Variants in ACTR8 observed in about 807,000 individuals in gnomAD.
The protein encoded by ACTR8 is actin related protein 8, also known as actin-related protein 8.
ACTR8 carries 70 observed loss-of-function variants against 84.3 expected under a neutral mutation model. That is an observed-to-expected ratio of 0.83 (90% confidence interval 0.68 to 1.01). The LOEUF is 1.01. Among genes scored for constraint, ACTR8 ranks in the 50% least tolerant of loss-of-function variants. ACTR8 has a pLI of 0.00. For missense variants in ACTR8, 672 were observed against 775.4 expected, an observed-to-expected ratio of 0.87 and a Z score of 1.58; for synonymous variants, 268 against 275.2, an observed-to-expected ratio of 0.97 and a Z score of 0.26.
downstream of ACTR8, among the ~76,000 whole-genome samples, chr3:53,864,395 C>T (rs1167996350): frequency 2.6e-5 from 4 of 152,024 alleles, no homozygotes; most frequent in East Asian, 1.9e-4. Context: ...ATTAGCCAGG[C>T]GTGGTGGCGG....
downstream of ACTR8, chr3:53,865,599 C>G (rs1018498576): frequency 2.9e-6 from 1 of 350,228 alleles, no homozygotes; most frequent in Non-Finnish European, 5.2e-6. Flanking sequence ...AGCCAAACAT[C>G]TAGTCTTCCA....
Position 53,868,799 on chromosome 3 carries a change from G to A in ACTR8, c.1795C>T (p.Gln599Ter). The A allele has an allele frequency of 6.2e-7, 1 of 1,614,226 alleles. No homozygotes were observed. Among genetic ancestry groups the A allele is most frequent in the Non-Finnish European group, 8.5e-7 (1 of 1,180,048 alleles). Residue 599 changes from glutamine to a stop codon, truncating the protein, a stop_gained, in exon 13 of 13, where the codon CAG becomes TAG. Transcript: ENST00000335754. LOFTEE classifies it high-confidence loss of function. ...TCTCGCTGATAAATCCACAGTTCCT[G>A]TGTTGTATCCAAACAAGCCAACACT... Reference protein sequence around the residue: ...GAVLACLDTTQELWIYQREWQ... With the variant: ...GAVLACLDTT
intron 9 of ACTR8, 60 bp downstream of exon 9, chr3:53,872,970 TCA>T: frequency 7.8e-7 from 1 of 1,285,300 alleles, no homozygotes; most frequent in Non-Finnish European, 1.1e-6. Context: ...GCATATTCTC[TCA>T]GTTTGATTGA....
chr3:53,861,306 TCATTA>T, the ACTR8 span: 1 of 152,024 alleles, frequency 6.6e-6, no homozygotes, highest in Non-Finnish European at 1.5e-5. Flanking sequence ...CTTTTTTTTT[TCATTA>T]CAAGAAAAAA....
At chr3:53,864,390 C>A (rs1469808783), downstream of ACTR8, among the ~76,000 whole-genome samples, 1 of 152,106 alleles carries the variant, frequency 6.6e-6, no homozygotes, top group Non-Finnish European at 1.5e-5. Context: ...CAAAAATTAG[C>A]CAGGCGTGGT....
At chr3:53,874,108 G>GCCA in intron 8 of ACTR8, 103 bp downstream of exon 8, 1 of 1,266,044 alleles carries the variant, frequency 7.9e-7, no homozygotes, top group South Asian at 1.5e-5. Context: ...ACAGGCATGA[G>GCCA]CCACCGTGCC....
At position 53,867,175 on chromosome 3, in the gene ACTR8, A is replaced by G. The variant is rs1283036151; in HGVS notation, c.*1544T>C. On this transcript the variant is annotated 3_prime_UTR_variant, in exon 13 of 13. Coordinates refer to ENST00000335754, the MANE Select transcript of ACTR8 (RefSeq NM_022899.5). ...AGGTCAAAACTTGGACCAGAAACCA[A>G]CTTCCTTTGAAACAGCTCTACCAGT... is the stretch of plus-strand genomic sequence containing the variant. 6.6e-6 allele frequency: 1 copy of G among 152,254 alleles called. No homozygotes were observed. The highest frequency in any genetic ancestry group is 2.4e-5 in the African/African-American group (1 of 41,466). 9.4% of individuals were successfully genotyped at this position (152,254 alleles called of 1,614,324 possible). A position where few individuals can be genotyped will look rare whatever the true frequency, so the allele number is the denominator to read the frequency against.
At chr3:53,876,354 TA>T in intron 6 of ACTR8, among the ~76,000 whole-genome samples, 1 of 151,830 alleles carries the variant, frequency 6.6e-6, no homozygotes, top group East Asian at 1.9e-4. Context: ...CTGTATCTAC[TA>T]AAAAATACAA....
chr3:53,882,110 G>T lies in ACTR8; in HGVS notation c.-9C>A, dbSNP rs1461512961. 1 of 1,551,244 alleles carries T rather than the reference G, an allele frequency of 6.4e-7. No homozygotes were observed. The highest frequency in any genetic ancestry group is 8.7e-7 in the Non-Finnish European group (1 of 1,146,758). On this transcript the variant is annotated 5_prime_UTR_variant, in exon 1 of 13. Coordinates refer to ENST00000335754, the MANE Select transcript of ACTR8 (RefSeq NM_022899.5). ...TTCTCAGCCTGGGTCATTATGGCCG[G>T]AGACACCCACCAACCTCTCGCCTCA...
Position 53,875,988 on chromosome 3 carries a change from C to T in ACTR8, c.871G>A (p.Val291Ile), listed in dbSNP as rs375966881. 8 of 1,614,086 alleles carry T rather than the reference C, an allele frequency of 5.0e-6. No homozygotes were observed. In the African/African-American group the frequency reaches 9.3e-5, roughly 19 times the overall value. ...IVDVGDQKTS[V>I]CCVEDGVSHR... ...GACACCCCATCCTCCACACAGCATACACTTGTCTTCTGGTCCCCAACGTCT... is the reference window on the plus strand; with the variant it reads ...GACACCCCATCCTCCACACAGCATATACTTGTCTTCTGGTCCCCAACGTCT... The change falls in exon 7 of 13, where the codon GTA becomes ATA. Residue 291 changes from valine to isoleucine, a missense_variant. Coordinates refer to ENST00000335754, the MANE Select transcript of ACTR8 (RefSeq NM_022899.5).
At chr3:53,869,439 C>T (rs1318379085) in intron 12 of ACTR8, among the ~76,000 whole-genome samples, 1 of 152,224 alleles carries the variant, frequency 6.6e-6, no homozygotes, top group Non-Finnish European at 1.5e-5. Flanking sequence ...AAATGACTTA[C>T]TTATTTCGCA....
At chr3:53,868,898 A>G (rs369346848) in intron 12 of ACTR8, 36 bp from the exon 13 acceptor site, 20 of 1,606,098 alleles carry the variant, frequency 1.2e-5, no homozygotes, top group Non-Finnish European at 1.4e-5. Flanking sequence ...GCCTAATCAC[A>G]TAAGACATAT....
At chr3:53,880,577 T>C (rs1700042713) in intron 1 of ACTR8, among the ~76,000 whole-genome samples, 1 of 152,246 alleles carries the variant, frequency 6.6e-6, no homozygotes, top group South Asian at 2.1e-4. Context: ...TCGAGGAATG[T>C]TGGCTCTTAC....
Position 53,871,270 on chromosome 3 carries a change from C to A in ACTR8, c.1529G>T (p.Gly510Val). 1 of 1,614,234 alleles carries A rather than the reference C, an allele frequency of 6.2e-7. No individual in the cohort carries two copies. Among genetic ancestry groups the A allele is most frequent in the Non-Finnish European group, 8.5e-7 (1 of 1,180,046 alleles). ...AISLFEGKAL[G>V]LDKAILHSID... is the part of the protein sequence containing the mutation. ...GCTATGGAGGATGGCTTTATCCAGG[C>A]CCAGGGCTTTTCCTTCAAACAGCGA... The change falls in exon 11 of 13, where the codon GGC becomes GTC. Residue 510 changes from glycine to valine, a missense_variant. Gly to Val is a moderately radical substitution (Grantham distance 109). Transcript: ENST00000335754.
intron 1 of ACTR8, 148 bp from the exon 2 acceptor site, chr3:53,880,257 C>T (rs1700038833): frequency 1.3e-6 from 1 of 765,108 alleles, no homozygotes; most frequent in South Asian, 1.9e-5. Flanking sequence ...ATCCAATTAC[C>T]GCTCTCTACC....
At chr3:53,860,011 A>G in the ACTR8 span, 5 of 741,998 alleles carry the variant, frequency 6.7e-6, no homozygotes, top group South Asian at 1.1e-4. Context: ...CTCTGTCTCA[A>G]AACTAAAAAA....
Position 53,868,760 on chromosome 3 carries a change from C to A in ACTR8, c.1834G>T (p.Gly612Cys). 1 of 1,614,218 alleles carries A rather than the reference C, an allele frequency of 6.2e-7. No homozygotes were observed. The highest frequency in any genetic ancestry group is 8.5e-7 in the Non-Finnish European group (1 of 1,180,044). Reference sequence around the variant, plus strand: ...GCCCGCTCTCGTAACATGCGGACACCAAAGCGCTGCCACTCTCGCTGATAA... The same window carrying A: ...GCCCGCTCTCGTAACATGCGGACACAAAAGCGCTGCCACTCTCGCTGATAA... ...WIYQREWQRF[G>C]VRMLRERAAF... is the part of the protein sequence containing the mutation. The change falls in exon 13 of 13, where the codon GGT becomes TGT. Residue 612 changes from glycine (G) to cysteine (C), a missense_variant. Physicochemically the swap from Gly to Cys is radical, Grantham distance 159. Coordinates refer to ENST00000335754, the MANE Select transcript of ACTR8 (RefSeq NM_022899.5).
chr3:53,877,552 C>A, intron 4 of ACTR8, 95 bp downstream of exon 4: 2 of 1,386,010 alleles, frequency 1.4e-6, no homozygotes, highest in Non-Finnish European at 2.0e-6. Flanking sequence ...TTATAGAACG[C>A]TAGGAAACAA....
At chr3:53,881,693 GAGGC>G (rs1700062800) in intron 1 of ACTR8, 1 of 523,110 alleles carries the variant, frequency 1.9e-6, no homozygotes, top group Admixed American at 3.3e-5. Flanking sequence ...CGGGGAAGCT[GAGGC>G]CAGAGCCCGG....
Sources: allele counts gnomAD v4.1 joint callset (sites outside exome capture counted in the v4.1 genomes callset), GRCh38; gene constraint gnomAD v4.1.1; transcripts MANE v1.5; gene names NCBI Gene and HGNC (gene_info 2026-07-23, HGNC 2026-07-21).